STAM: variants seen among roughly 807,000 people sequenced by gnomAD.
The protein encoded by STAM is signal transducing adapter molecule 1.
Under a neutral mutation model 63.4 loss-of-function variants are expected in STAM, and 16 were observed. The observed-to-expected ratio is 0.25, with a 90% CI of 0.17 to 0.38. The LOEUF (loss-of-function observed/expected upper bound fraction) is 0.38. Ranked by LOEUF, STAM falls within the 10% of genes least tolerant of loss-of-function variation. The pLI is 1.00. For synonymous variants in STAM, 238 were observed against 223.9 expected (o/e 1.06, Z -0.56); for missense variants, 636 against 657.1 (o/e 0.97, Z 0.35).
intron 2 of STAM, among the ~76,000 whole-genome samples, chr10:17,672,645 A>G (rs1834687755): frequency 6.6e-6 from 1 of 152,206 alleles, no homozygotes; most frequent in Admixed American, 6.5e-5. Context: ...CTGTTGCTCA[A>G]AGTAACAGTT....
In STAM at chr10:17,692,445, G is replaced by C. The variant is rs184935363; in HGVS notation, c.445-777G>C. Among the ~76,000 whole-genome samples the C allele has an allele frequency of 3.3e-4, 50 of 152,320 alleles. 1 individual carries two copies. The highest frequency in any genetic ancestry group is 3.4e-4 in the Non-Finnish European group (23 of 68,026). ...GTAGAAGTAAATGAGTGTGAGACCTGTAAAGTACCGGTATAGAGACTGCTC... is the reference window on the plus strand; with the variant it reads ...GTAGAAGTAAATGAGTGTGAGACCTCTAAAGTACCGGTATAGAGACTGCTC... On this transcript the variant is annotated intron_variant, in intron 5 of 13. Transcript: ENST00000377524.
In STAM at chr10:17,697,828, T is replaced by G. The variant is rs568922235; in HGVS notation, c.823+959T>G. Among the ~76,000 whole-genome samples, 23 of 152,236 alleles carry G rather than the reference T, an allele frequency of 1.5e-4. No individual in the cohort carries two copies. The South Asian group carries it at 4.8e-3, about 32-fold the overall frequency. On this transcript the variant is annotated intron_variant, in intron 8 of 13. Transcript: ENST00000377524. ...TGTATAGGTTGATATGCTACAGTTA[T>G]TTGGCAAAATATCTCATTATCGTTT...
intron 5 of STAM, 58 bp from the exon 6 acceptor site, chr10:17,693,164 G>A: frequency 2.0e-6 from 3 of 1,485,722 alleles, no homozygotes; most frequent in Non-Finnish European, 2.8e-6. Flanking sequence ...CTTAGGGTGG[G>A]TGAGAGGAGG....
intron 1 of STAM, among the ~76,000 whole-genome samples, chr10:17,649,968 C>G (rs782118211): frequency 1.3e-5 from 2 of 152,190 alleles, no homozygotes; most frequent in Non-Finnish European, 2.9e-5. Context: ...CAAGAGGCAT[C>G]TTTGAATCAT....
intron 1 of STAM, among the ~76,000 whole-genome samples, chr10:17,648,260 G>A (rs1833595278): frequency 6.6e-6 from 1 of 152,128 alleles, no homozygotes; most frequent in Non-Finnish European, 1.5e-5. Flanking sequence ...CTGTAAAAAC[G>A]CACCAATCAG....
intron 1 of STAM, among the ~76,000 whole-genome samples, chr10:17,649,139 C>T (rs753146195): frequency 6.6e-6 from 1 of 152,198 alleles, no homozygotes; most frequent in Non-Finnish European, 1.5e-5. Context: ...TGCAGTGGCT[C>T]ACGCCAGTAA....
At chr10:17,706,495 C>T (rs1020438189) in intron 12 of STAM, among the ~76,000 whole-genome samples, 15 of 151,122 alleles carry the variant, frequency 9.9e-5, no homozygotes, top group African/African-American at 2.9e-4. Context: ...TCTCCTGCCT[C>T]AGCCTCCTGA....
chr10:17,645,874 T>C (rs769792902), intron 1 of STAM, among the ~76,000 whole-genome samples: 2 of 152,232 alleles, frequency 1.3e-5, no homozygotes, highest in Non-Finnish European at 2.9e-5. Context: ...TTCTTAATAC[T>C]TGCTTCTTCT....
In STAM at chr10:17,644,244, G is replaced by T. The variant is rs1833427845; in HGVS notation, c.-96G>T. The T allele has an allele frequency of 3.0e-6, 4 of 1,343,032 alleles. No homozygotes were observed. The highest frequency in any genetic ancestry group is 2.3e-5 in the East Asian group (1 of 42,808). 83.2% of individuals were successfully genotyped at this position (1,343,032 alleles called of 1,614,324 possible). On this transcript the variant is annotated 5_prime_UTR_variant, in exon 1 of 14. Transcript: ENST00000377524. ...GGACCCTGTAGAGTCGGTCTCTGTT[G>T]CTCTTTTTGCCTGAGGAGTCTTCCA... is the stretch of plus-strand genomic sequence containing the variant.
intron 2 of STAM, among the ~76,000 whole-genome samples, chr10:17,677,075 A>T (rs1564545790): frequency 6.6e-6 from 1 of 152,190 alleles, no homozygotes; most frequent in Non-Finnish European, 1.5e-5. Flanking sequence ...TTGCACAAAC[A>T]AGGTGTTCAT....
At chr10:17,646,957 A>T (rs1833543613) in intron 1 of STAM, among the ~76,000 whole-genome samples, 1 of 152,238 alleles carries the variant, frequency 6.6e-6, no homozygotes, top group African/African-American at 2.4e-5. Context: ...TCTTAATCTG[A>T]GGCTGAATCA....
chr10:17,644,416 G>T (rs1049932426), intron 1 of STAM, 37 bp downstream of exon 1: 3 of 1,613,090 alleles, frequency 1.9e-6, no homozygotes, highest in Non-Finnish European at 2.5e-6. Context: ...ATTCCTCACC[G>T]GACTGCACGC....
At position 17,693,241 on chromosome 10, in the gene STAM, C is replaced by G; in HGVS notation, c.464C>G (p.Ala155Gly). 1 of 1,613,586 alleles carries G rather than the reference C, an allele frequency of 6.2e-7. No individual in the cohort carries two copies. The highest frequency in any genetic ancestry group is 8.5e-7 in the Non-Finnish European group (1 of 1,179,798). Residue 155 changes from alanine (A) to glycine (G), a missense_variant, in exon 6 of 14, where the codon GCA (alanine) becomes GGA (glycine). By Grantham distance (60) the Ala-to-Gly change is moderately conservative. Coordinates refer to ENST00000377524, the MANE Select transcript of STAM (RefSeq NM_003473.4). ...IGSQAAEQAK[A>G]SPALVAKDPG... ...TGTTAGGCTGCAGAACAAGCAAAAG[C>G]AAGCCCAGCTCTTGTAGCCAAGGAT...
At chr10:17,702,116 G>A (rs1589104021) in intron 9 of STAM, among the ~76,000 whole-genome samples, 1 of 152,138 alleles carries the variant, frequency 6.6e-6, no homozygotes, top group African/African-American at 2.4e-5. Context: ...AATAGGAATA[G>A]AACTGGTGCT....
chr10:17,656,695 C>T (rs528889343), intron 1 of STAM, among the ~76,000 whole-genome samples: 1 of 152,262 alleles, frequency 6.6e-6, no homozygotes, highest in African/African-American at 2.4e-5. Flanking sequence ...ATCTGAGTTA[C>T]TGGCAGTGAG....
At chr10:17,695,530 T>G (rs940980835) in intron 7 of STAM, among the ~76,000 whole-genome samples, 1 of 152,206 alleles carries the variant, frequency 6.6e-6, no homozygotes, top group Non-Finnish European at 1.5e-5. Context: ...TTTAAAAGGT[T>G]ACAGTTTTAG....
At position 17,644,357 on chromosome 10, in the gene STAM, C is replaced by CA; in HGVS notation, c.20dup (p.Asn7LysfsTer8). On this transcript the variant is annotated frameshift_variant, in exon 1 of 14. Coordinates refer to ENST00000377524, the MANE Select transcript of STAM (RefSeq NM_003473.4). LOFTEE classifies it high-confidence loss of function. ...CAGCGGAGATGCCTCTTTTTGCCAC[C>CA]AATCCCTTCGATCAGGATGTTGGTA... 6.2e-7 allele frequency: 1 copy of CA among 1,614,162 alleles called. No individual in the cohort carries two copies. The highest frequency in any genetic ancestry group is 8.5e-7 in the Non-Finnish European group (1 of 1,180,022).
intron 2 of STAM, among the ~76,000 whole-genome samples, chr10:17,666,682 C>A (rs1370352834): frequency 3.9e-5 from 6 of 152,150 alleles, no homozygotes; most frequent in Non-Finnish European, 2.9e-5. Flanking sequence ...CAGGCATGAG[C>A]CACCCTGCCT....
At chr10:17,700,142 G>GA in intron 8 of STAM, 49 bp from the exon 9 acceptor site, 1 of 1,446,812 alleles carries the variant, frequency 6.9e-7, no homozygotes, top group Non-Finnish European at 9.4e-7. Context: ...CTTTAAAGTA[G>GA]AATTTTAAAT....
Sources: gnomAD v4.1 joint callset for allele counts (sites outside exome capture counted in the v4.1 genomes callset) on GRCh38, gnomAD v4.1.1 for gene constraint, MANE v1.5 for transcripts, NCBI Gene and HGNC (gene_info 2026-07-23, HGNC 2026-07-21) for gene names.